Variants in NCOA1 observed in about 807,000 individuals in gnomAD.
NCOA1 encodes nuclear receptor coactivator 1.
In NCOA1, 35 loss-of-function variants were observed where a neutral mutation model predicts 150.9. The ratio of observed to expected loss-of-function variants is 0.23; its 90% confidence interval spans 0.18 to 0.31. NCOA1 has a LOEUF of 0.31. Ranked by LOEUF, NCOA1 falls within the 10% of genes least tolerant of loss-of-function variation. The probability of loss-of-function intolerance (pLI) is 1.00; values close to 1 mark genes in which losing one functional copy is unlikely to be tolerated. For synonymous variants in NCOA1, 590 were observed against 630.0 expected, an observed-to-expected ratio of 0.94 and a Z score of 0.95; for missense variants, 1,491 against 1,749.3, an observed-to-expected ratio of 0.85 and a Z score of 2.63.
At chr2:24,602,091 A>G (rs1464428470) in intron 3 of NCOA1, among the ~76,000 whole-genome samples, 1 of 152,174 alleles carries the variant, frequency 6.6e-6, no homozygotes, top group African/African-American at 2.4e-5. Context: ...AAAATTTAGG[A>G]AGAACCCTGG....
intron 4 of NCOA1, among the ~76,000 whole-genome samples, chr2:24,645,708 A>T (rs1390740083): frequency 6.6e-6 from 1 of 152,158 alleles, no homozygotes; most frequent in Non-Finnish European, 1.5e-5. Flanking sequence ...CCGAAATCTG[A>T]AATCCTATAT....
chr2:24,751,901 C>G, intron 19 of NCOA1, 81 bp from the exon 20 acceptor site: 1 of 1,261,224 alleles, frequency 7.9e-7, no homozygotes, highest in Admixed American at 2.4e-5. Context: ...TATATTGTGA[C>G]AGATCCTTTT....
At chr2:24,689,744 A>G (rs1359009917) in intron 8 of NCOA1, among the ~76,000 whole-genome samples, 1 of 152,200 alleles carries the variant, frequency 6.6e-6, no homozygotes, top group Non-Finnish European at 1.5e-5. Context: ...GAGTTTTCCT[A>G]ATAATTAGAC....
In NCOA1 at chr2:24,586,222, G is replaced by A. The variant is rs373740250; in HGVS notation, c.-175+1662G>A. Among the ~76,000 whole-genome samples, 28 of 142,964 alleles carry A rather than the reference G, an allele frequency of 2.0e-4. No individual in the cohort carries two copies. In the South Asian group the frequency reaches 5.9e-3, roughly 30 times the overall value. The allele number at this position is 142,964 out of a possible 152,430, so 93.8% of individuals were successfully genotyped here. On this transcript the variant is annotated intron_variant, in intron 3 of 22. Transcript: ENST00000348332. Reference sequence around the variant, plus strand: ...ACCCAGGAGGCGGAGCTTGCAAAGAGCCGATATCGTGCCACTGCACTTCAG... The same window carrying A: ...ACCCAGGAGGCGGAGCTTGCAAAGAACCGATATCGTGCCACTGCACTTCAG...
At chr2:24,510,580 T>C (rs1663894273) in intron 1 of NCOA1, among the ~76,000 whole-genome samples, 1 of 152,218 alleles carries the variant, frequency 6.6e-6, no homozygotes, top group South Asian at 2.1e-4. Context: ...TGGCTTCAAG[T>C]GATCCTCCTG....
intron 7 of NCOA1, among the ~76,000 whole-genome samples, chr2:24,676,763 C>A (rs1280196866): frequency 6.6e-6 from 1 of 152,098 alleles, no homozygotes; most frequent in East Asian, 1.9e-4. Flanking sequence ...AAAGATAAAA[C>A]AGGTATTTTA....
intron 20 of NCOA1, among the ~76,000 whole-genome samples, chr2:24,756,210 C>T (rs1374632510): frequency 1.3e-5 from 2 of 151,976 alleles, no homozygotes; most frequent in Non-Finnish European, 2.9e-5. Context: ...GCTGAGTTTG[C>T]GCCATTGCAC....
At chr2:24,513,132 A>G (rs528333310) in intron 1 of NCOA1, among the ~76,000 whole-genome samples, 49 of 152,360 alleles carry the variant, frequency 3.2e-4, no homozygotes, top group African/African-American at 1.1e-3. Context: ...TATTTCAAAC[A>G]TGCAGAAAAG....
chr2:24,718,397 G>A (rs1674166779), intron 14 of NCOA1, among the ~76,000 whole-genome samples: 1 of 152,124 alleles, frequency 6.6e-6, no homozygotes, highest in Admixed American at 6.5e-5. Flanking sequence ...TTGGAACATT[G>A]TTCAGCAATT....
intron 1 of NCOA1, among the ~76,000 whole-genome samples, chr2:24,562,028 TGAG>T (rs1666313887): frequency 6.6e-6 from 1 of 152,100 alleles, no homozygotes; most frequent in Non-Finnish European, 1.5e-5. Context: ...AATGAAATAT[TGAG>T]AAGATTAGTC....
At chr2:24,702,628 G>A (rs1233896571) in intron 11 of NCOA1, among the ~76,000 whole-genome samples, 2 of 152,174 alleles carry the variant, frequency 1.3e-5, no homozygotes, top group Non-Finnish European at 2.9e-5. Context: ...AAAAGCGGCT[G>A]TCATGTTAAA....
chr2:24,726,554 A>C, intron 14 of NCOA1, 35 bp from the exon 15 acceptor site: 1 of 1,347,822 alleles, frequency 7.4e-7, no homozygotes. Context: ...TCCTCCACTG[A>C]GATAATGACT....
chr2:24,688,503 G>C (rs770101866), intron 8 of NCOA1, among the ~76,000 whole-genome samples: 6 of 152,126 alleles, frequency 3.9e-5, no homozygotes, highest in Non-Finnish European at 8.8e-5. Context: ...CTAATAATCA[G>C]TGATATTGAG....
At chr2:24,648,909 T>A (rs1487860868) in intron 4 of NCOA1, among the ~76,000 whole-genome samples, 1 of 152,080 alleles carries the variant, frequency 6.6e-6, no homozygotes, top group Non-Finnish European at 1.5e-5. Context: ...ATTGAAGTAA[T>A]TTTTTGTGTA....
chr2:24,536,626 T>C (rs528923958), intron 1 of NCOA1, among the ~76,000 whole-genome samples: 2 of 152,304 alleles, frequency 1.3e-5, no homozygotes, highest in South Asian at 4.1e-4. Flanking sequence ...GACTTACAGA[T>C]GGGGTTTCGG....
intron 1 of NCOA1, among the ~76,000 whole-genome samples, chr2:24,562,021 G>A (rs1666313424): frequency 6.6e-6 from 1 of 151,994 alleles, no homozygotes; most frequent in Non-Finnish European, 1.5e-5. Context: ...TATATGAAAT[G>A]AAATATTGAG....
chr2:24,502,553 A>G (rs1663509709), intron 1 of NCOA1, among the ~76,000 whole-genome samples: 1 of 152,120 alleles, frequency 6.6e-6, no homozygotes, highest in Admixed American at 6.6e-5. Flanking sequence ...GTGGTTCCTC[A>G]TTGCTGTCAA....
intron 5 of NCOA1, among the ~76,000 whole-genome samples, chr2:24,661,501 G>A (rs904235944): frequency 6.6e-6 from 1 of 152,082 alleles, no homozygotes; most frequent in Non-Finnish European, 1.5e-5. Context: ...CAGAGCCATA[G>A]GTTTTCATGT....
chr2:24,742,218 G>A, intron 19 of NCOA1, 32 bp downstream of exon 19: 1 of 1,578,986 alleles, frequency 6.3e-7, no homozygotes, highest in Non-Finnish European at 8.6e-7. Flanking sequence ...GTTGTTCTAA[G>A]TAATCCATAC....
Sources: allele counts gnomAD v4.1 joint callset (sites outside exome capture counted in the v4.1 genomes callset), GRCh38; gene constraint gnomAD v4.1.1; transcripts MANE v1.5; gene names NCBI Gene and HGNC (gene_info 2026-07-23, HGNC 2026-07-21).